UNC80: variants seen among roughly 807,000 people sequenced by gnomAD.
The protein encoded by UNC80 is protein unc-80 homolog.
UNC80 carries 164 observed loss-of-function variants against 384.6 expected under a neutral mutation model. The observed-to-expected ratio is 0.43, with a 90% CI of 0.38 to 0.49. The LOEUF (loss-of-function observed/expected upper bound fraction) is 0.49, where lower values mean the gene tolerates loss of function less well. Among genes scored for constraint, UNC80 ranks in the 20% least tolerant of loss-of-function variants. The pLI is 0.00. For synonymous variants in UNC80, 1,486 were observed against 1,527.8 expected (o/e 0.97, Z 0.64); for missense variants, 3,330 against 4,143.0 (o/e 0.80, Z 5.39).
chr2:209,980,250 C>T (rs551765164), intron 59 of UNC80, among the ~76,000 whole-genome samples: 9 of 152,308 alleles, frequency 5.9e-5, no homozygotes, highest in Non-Finnish European at 1.3e-4. Context: ...GAAGTAGCCT[C>T]TCCCAGCAAT....
chr2:209,795,101 C>G (rs970490339), intron 7 of UNC80: 5 of 186,696 alleles, frequency 2.7e-5, no homozygotes, highest in African/African-American at 1.2e-4. Flanking sequence ...GCCCAAAATG[C>G]TGATAGCGAC....
chr2:209,885,880 T>C (rs1289010979), intron 25 of UNC80, among the ~76,000 whole-genome samples: 2 of 151,786 alleles, frequency 1.3e-5, no homozygotes, highest in African/African-American at 4.8e-5. Flanking sequence ...TTCTCCTGCC[T>C]CAACCTCCTG....
rs869025320 is a variant in UNC80 at position 209,775,898 on chromosome 2, C to T, written c.151C>T (p.Arg51Ter). Reference sequence around the variant, plus strand: ...GTTTTTGTATTTACAGTCCTTTGAGCGAGTGTTGGTAGAAAACAAGCTGCA... The same window carrying T: ...GTTTTTGTATTTACAGTCCTTTGAGTGAGTGTTGGTAGAAAACAAGCTGCA... ...QYEASCVSFE[R>*]VLVENKLHGL... The change falls in exon 3 of 65, where the codon CGA (arginine) becomes TGA (stop). Residue 51 changes from arginine to a stop codon, truncating the protein, a stop_gained. Coordinates refer to ENST00000673920, the MANE Select transcript of UNC80 (RefSeq NM_001371986.1). LOFTEE classifies it high-confidence loss of function. The T allele has an allele frequency of 6.2e-7, 1 of 1,613,578 alleles. No individual in the cohort carries two copies. Among genetic ancestry groups the T allele is most frequent in the Non-Finnish European group, 8.5e-7 (1 of 1,179,836 alleles).
intron 9 of UNC80, among the ~76,000 whole-genome samples, chr2:209,816,551 A>G (rs113631341): frequency 5.3e-5 from 8 of 152,314 alleles, no homozygotes; most frequent in African/African-American, 1.7e-4. Context: ...ACTTGTTAAG[A>G]CACACATTGC....
chr2:209,870,336 C>T (rs2084186993), intron 22 of UNC80, among the ~76,000 whole-genome samples: 1 of 152,150 alleles, frequency 6.6e-6, no homozygotes, highest in Admixed American at 6.5e-5. Flanking sequence ...CAACCTTTAC[C>T]AGACACAGAT....
At chr2:209,780,955 A>T (rs781631969) in intron 4 of UNC80, among the ~76,000 whole-genome samples, 24 of 152,320 alleles carry the variant, frequency 1.6e-4, no homozygotes, top group Non-Finnish European at 2.9e-4. Context: ...CCACACAACC[A>T]TTCAGACTAA....
chr2:209,874,381 A>G (rs1015388058), intron 23 of UNC80, among the ~76,000 whole-genome samples: 2 of 152,190 alleles, frequency 1.3e-5, no homozygotes, highest in Non-Finnish European at 2.9e-5. Context: ...TGATAATCCC[A>G]TTGGCTTCCT....
At chr2:209,814,486 TC>T (rs1344237220) in intron 8 of UNC80, among the ~76,000 whole-genome samples, 1 of 152,194 alleles carries the variant, frequency 6.6e-6, no homozygotes, top group African/African-American at 2.4e-5. Context: ...GACCTCGTGA[TC>T]CACCTGCTTT....
intron 24 of UNC80, among the ~76,000 whole-genome samples, chr2:209,880,364 G>C (rs1405485156): frequency 6.6e-6 from 1 of 152,172 alleles, no homozygotes; most frequent in African/African-American, 2.4e-5. Flanking sequence ...TGACAGGCTA[G>C]CTTGCACAAA....
chr2:209,875,952 G>T (rs1253434570), intron 23 of UNC80, among the ~76,000 whole-genome samples: 2 of 152,086 alleles, frequency 1.3e-5, no homozygotes, highest in Non-Finnish European at 1.5e-5. Context: ...AGTGAATTCT[G>T]AGATTTTAAT....
intron 7 of UNC80, among the ~76,000 whole-genome samples, chr2:209,805,283 C>T (rs2078822199): frequency 6.6e-6 from 1 of 152,186 alleles, no homozygotes; most frequent in Non-Finnish European, 1.5e-5. Flanking sequence ...TCTCCAGTTC[C>T]CAATAGTACA....
chr2:209,973,333 T>C (rs898552502), intron 56 of UNC80, 63 bp downstream of exon 56: 5 of 1,333,552 alleles, frequency 3.7e-6, no homozygotes, highest in South Asian at 1.4e-5. Context: ...TGTGAAAATA[T>C]ATGTGTAGAT....
intron 21 of UNC80, among the ~76,000 whole-genome samples, chr2:209,848,119 T>A (rs1160935313): frequency 6.6e-6 from 1 of 152,068 alleles, no homozygotes; most frequent in Non-Finnish European, 1.5e-5. Context: ...GCTTTGGTAA[T>A]GTCCAGTGAG....
chr2:209,772,127 C>T lies in UNC80; in HGVS notation c.55C>T (p.Pro19Ser). The T allele has an allele frequency of 1.3e-6, 2 of 1,548,838 alleles. No individual in the cohort carries two copies. Among genetic ancestry groups the T allele is most frequent in the Non-Finnish European group, 1.7e-6 (2 of 1,146,166 alleles). Residue 19 changes from proline to serine, a missense_variant, in exon 1 of 65, where the codon CCC (proline) becomes TCC (serine). Pro to Ser is a moderately conservative substitution (Grantham distance 74). This residue lies in a region of UNC80 where 86 missense variants were observed against 141.5 expected (regional missense o/e 0.61). Transcript: ENST00000673920. ...GQEQDGGRGI[P>S]LPIQTFLWRQ... ...GGAGCAGGACGGCGGCCGCGGCATC[C>T]CCCTGCCCATCCAGACCTTCCTGTG... is the stretch of plus-strand genomic sequence containing the variant.
At chr2:209,886,355 A>T (rs988034076) in intron 25 of UNC80, among the ~76,000 whole-genome samples, 3 of 151,888 alleles carry the variant, frequency 2.0e-5, no homozygotes, top group African/African-American at 7.2e-5. Context: ...AGGTGGGAGG[A>T]TCACTTGAGG....
At chr2:209,930,032 C>A in intron 37 of UNC80, 61 bp downstream of exon 37, 1 of 1,209,418 alleles carries the variant, frequency 8.3e-7, no homozygotes, top group Non-Finnish European at 1.1e-6. Flanking sequence ...CTGTTAAAAT[C>A]ATGCAAAGAA....
At chr2:209,952,284 G>A (rs539137392) in intron 47 of UNC80, among the ~76,000 whole-genome samples, 3 of 152,176 alleles carry the variant, frequency 2.0e-5, no homozygotes, top group South Asian at 2.1e-4. Flanking sequence ...GGATCTACCC[G>A]ATGTTATCTT....
Position 209,921,803 on chromosome 2 carries a change from C to G in UNC80, c.5530+117C>G, listed in dbSNP as rs1187902573. On this transcript the variant is annotated intron_variant, in intron 34 of 64. Transcript: ENST00000673920. ...GTGATATGCCCCCTTCCATCTCTCT[C>G]TCACTTCCTGACGCTAACCAAAGAA... 4.1e-6 allele frequency: 5 copies of G among 1,205,714 alleles called. No individual in the cohort carries two copies. The African/African-American group carries it at 7.7e-5, about 19-fold the overall frequency. 74.7% of individuals were successfully genotyped at this position (1,205,714 alleles called of 1,614,324 possible). A position where few individuals can be genotyped will look rare whatever the true frequency, so the allele number is the denominator to read the frequency against.
At chr2:209,932,133 G>A (rs755773341) in intron 38 of UNC80, among the ~76,000 whole-genome samples, 4 of 152,154 alleles carry the variant, frequency 2.6e-5, no homozygotes, top group Non-Finnish European at 5.9e-5. Context: ...CTCAAAGCCT[G>A]TCTGCTCCTG....
Sources: gnomAD v4.1 joint callset for allele counts (sites outside exome capture counted in the v4.1 genomes callset) on GRCh38, gnomAD v4.1.1 for gene constraint, gnomAD v4.1.1 regional missense constraint, MANE v1.5 for transcripts, NCBI Gene and HGNC (gene_info 2026-07-23, HGNC 2026-07-21) for gene names.